The following DSCAM variants were observed in gnomAD, a reference collection of about 807,000 sequenced individuals.
DSCAM encodes the protein DS cell adhesion molecule, also known as cell adhesion molecule DSCAM.
Under a neutral mutation model 217.7 loss-of-function variants are expected in DSCAM, and 47 were observed. That is an observed-to-expected ratio of 0.22 (90% CI 0.17 to 0.28). DSCAM has a LOEUF of 0.28. DSCAM is among the 10% of genes least tolerant of loss of function. The pLI, the probability that DSCAM is intolerant of heterozygous loss-of-function variation, is 1.00. For synonymous variants in DSCAM, 1,056 were observed against 1,015.3 expected (o/e 1.04, Z -0.76); for missense variants, 2,080 against 2,618.3 (o/e 0.79, Z 4.49).
At chr21:40,572,086 GT>G (rs1457685985) in intron 3 of DSCAM, among the ~76,000 whole-genome samples, 482 of 4,514 alleles carry the variant, frequency 0.11, 8 homozygotes, top group East Asian at 0.44. Context: ...GTGTGTGTGG[GT>G]GTGTGTGTGT....
In DSCAM at chr21:40,369,158, G is replaced by C; in HGVS notation, c.596C>G (p.Thr199Arg). 1 of 1,613,386 alleles carries C rather than the reference G, an allele frequency of 6.2e-7. No individual in the cohort carries two copies. The highest frequency in any genetic ancestry group is 8.5e-7 in the Non-Finnish European group (1 of 1,179,660). ...CGTCTCTCCGGTGTATCGATGCCGC[G>C]TGATGCAGCGGTAGTTATACAATCC... is the stretch of plus-strand genomic sequence containing the variant. Reference protein sequence around the residue: ...EDGLYNYRCITRHRYTGETRQ... With the variant: ...EDGLYNYRCIRRHRYTGETRQ... The change falls in exon 4 of 33, where the codon ACG becomes AGG. Residue 199 changes from threonine to arginine, a missense_variant. By Grantham distance (71) the Thr-to-Arg change is moderately conservative (BLOSUM62 -1). Transcript: ENST00000400454.
At chr21:40,103,253 C>T (rs557689700) in intron 20 of DSCAM, among the ~76,000 whole-genome samples, 2 of 151,738 alleles carry the variant, frequency 1.3e-5, no homozygotes, top group Non-Finnish European at 2.9e-5. Context: ...TTAAAAAGCT[C>T]TGATAGCTAA....
intron 10 of DSCAM, among the ~76,000 whole-genome samples, chr21:40,277,962 G>T (rs766078178): frequency 2.0e-5 from 3 of 151,702 alleles, no homozygotes; most frequent in Non-Finnish European, 4.4e-5. Context: ...CAGATAACAT[G>T]ATTTTCTACA....
chr21:40,378,779 G>A (rs1407087856), intron 3 of DSCAM, among the ~76,000 whole-genome samples: 1 of 151,440 alleles, frequency 6.6e-6, no homozygotes, highest in African/African-American at 2.4e-5. Flanking sequence ...ATTTTTAGTA[G>A]AGACGGGGTT....
chr21:40,021,192 C>T (rs1188972981), intron 32 of DSCAM, among the ~76,000 whole-genome samples: 2 of 119,722 alleles, frequency 1.7e-5, no homozygotes, highest in African/African-American at 3.3e-5. Context: ...GGCGATAGAG[C>T]GAGACTCCGT....
intron 16 of DSCAM, among the ~76,000 whole-genome samples, chr21:40,147,998 C>T (rs1165546484): frequency 1.3e-5 from 2 of 152,062 alleles, no homozygotes; most frequent in East Asian, 1.9e-4. Context: ...GTCCATGTTT[C>T]AATTGGCTGT....
chr21:40,832,181 G>C (rs940950280), intron 1 of DSCAM, among the ~76,000 whole-genome samples: 4 of 152,194 alleles, frequency 2.6e-5, no homozygotes, highest in Non-Finnish European at 4.4e-5. Context: ...GTGACCATGA[G>C]CACATTGTCT....
intron 11 of DSCAM, among the ~76,000 whole-genome samples, chr21:40,242,414 T>C (rs2073165882): frequency 6.6e-6 from 1 of 152,192 alleles, no homozygotes; most frequent in Admixed American, 6.5e-5. Flanking sequence ...AAGTGCCATG[T>C]GTATCTTCCA....
chr21:40,729,867 A>C (rs1253896957), intron 1 of DSCAM, among the ~76,000 whole-genome samples: 1 of 152,220 alleles, frequency 6.6e-6, no homozygotes, highest in Non-Finnish European at 1.5e-5. Context: ...TTACAACTGC[A>C]CTACAACCAA....
chr21:40,676,812 G>A (rs2090345207), intron 3 of DSCAM, among the ~76,000 whole-genome samples: 1 of 152,076 alleles, frequency 6.6e-6, no homozygotes, highest in African/African-American at 2.4e-5. Flanking sequence ...TTTTTTTAAA[G>A]TCTTGAATCC....
At chr21:40,635,328 G>A (rs910185061) in intron 3 of DSCAM, among the ~76,000 whole-genome samples, 5 of 152,240 alleles carry the variant, frequency 3.3e-5, no homozygotes, top group African/African-American at 1.2e-4. Context: ...AGACACTGGA[G>A]ACCGCTGGAT....
At chr21:40,074,837 A>C (rs1601301794) in intron 27 of DSCAM, among the ~76,000 whole-genome samples, 200 bp downstream of exon 27, 1 of 152,186 alleles carries the variant, frequency 6.6e-6, no homozygotes, top group East Asian at 1.9e-4. Flanking sequence ...TTTCTGACCG[A>C]GATAGGAACA....
intron 1 of DSCAM, among the ~76,000 whole-genome samples, chr21:40,842,860 A>G (rs1601336179): frequency 6.6e-6 from 1 of 152,314 alleles, no homozygotes; most frequent in East Asian, 1.9e-4. Flanking sequence ...CAAAAAGTGG[A>G]GAACGATCCA....
chr21:40,320,178 A>C (rs2074244574), intron 8 of DSCAM, among the ~76,000 whole-genome samples: 1 of 152,238 alleles, frequency 6.6e-6, no homozygotes. Flanking sequence ...CATCCTGCAC[A>C]TGTACCTTGG....
At chr21:40,319,608 G>A (rs906031774) in intron 8 of DSCAM, among the ~76,000 whole-genome samples, 3 of 152,202 alleles carry the variant, frequency 2.0e-5, no homozygotes, top group African/African-American at 7.2e-5. Context: ...ACACCCAGTA[G>A]TGGAATTACT....
intron 3 of DSCAM, among the ~76,000 whole-genome samples, chr21:40,475,001 G>C (rs533058234): frequency 6.6e-6 from 1 of 151,800 alleles, no homozygotes; most frequent in African/African-American, 2.4e-5. Context: ...AAAAAAAAAA[G>C]CCCATCACCC....
chr21:40,412,800 A>T (rs1223382228), intron 3 of DSCAM, among the ~76,000 whole-genome samples: 2 of 152,246 alleles, frequency 1.3e-5, no homozygotes, highest in African/African-American at 4.8e-5. Context: ...AATCCCCAAG[A>T]CAATGGGGAA....
At chr21:40,317,796 G>A (rs1317641401) in intron 8 of DSCAM, among the ~76,000 whole-genome samples, 1 of 152,180 alleles carries the variant, frequency 6.6e-6, no homozygotes, top group Non-Finnish European at 1.5e-5. Context: ...GCCTCCCAAA[G>A]TGCTGGGATT....
chr21:40,714,782 T>C (rs78752604), intron 1 of DSCAM, among the ~76,000 whole-genome samples: 1,893 of 152,254 alleles, frequency 0.012, 30 homozygotes, highest in African/African-American at 0.043. Flanking sequence ...AATGAATGCA[T>C]TTTGTATGTT....
Sources: gnomAD v4.1 joint callset for allele counts (sites outside exome capture counted in the v4.1 genomes callset) on GRCh38, gnomAD v4.1.1 for gene constraint, MANE v1.5 for transcripts, NCBI Gene and HGNC (gene_info 2026-07-23, HGNC 2026-07-21) for gene names.